Variants in MTHFD1 observed in about 807,000 individuals in gnomAD.
MTHFD1 encodes the protein C-1-tetrahydrofolate synthase, cytoplasmic.
In MTHFD1, 44 loss-of-function variants were observed where a neutral mutation model predicts 110.3. The observed-to-expected ratio is 0.40, with a 90% CI of 0.31 to 0.51. The LOEUF is 0.51. Among genes scored for constraint, MTHFD1 ranks in the 20% least tolerant of loss-of-function variants. The probability of loss-of-function intolerance (pLI) is 0.60; values close to 1 mark genes in which losing one functional copy is unlikely to be tolerated. For missense variants in MTHFD1, 909 were observed against 1,173.1 expected (o/e 0.77, Z 3.29); for synonymous variants, 402 against 428.8 (o/e 0.94, Z 0.77).
chr14:64,449,298 C>A, intron 23 of MTHFD1, 147 bp from the exon 24 acceptor site: 1 of 864,944 alleles, frequency 1.2e-6, no homozygotes, highest in Non-Finnish European at 1.9e-6. Flanking sequence ...TAGTAAGTTT[C>A]GGAGCTGAGA....
At chr14:64,399,691 A>T (rs2077882336) in intron 1 of MTHFD1, among the ~76,000 whole-genome samples, 1 of 150,806 alleles carries the variant, frequency 6.6e-6, no homozygotes, top group South Asian at 2.1e-4. Flanking sequence ...AAAGAAAAAG[A>T]TTCACATCTA....
intron 4 of MTHFD1, 111 bp downstream of exon 4, chr14:64,412,636 T>A (rs2077993662): frequency 2.4e-6 from 1 of 425,354 alleles, no homozygotes; most frequent in Non-Finnish European, 4.2e-6. Flanking sequence ...CTCCAGGTAT[T>A]TTTTTTTTTT....
At chr14:64,434,106 A>G (rs533600395) in intron 15 of MTHFD1, among the ~76,000 whole-genome samples, 2 of 152,300 alleles carry the variant, frequency 1.3e-5, no homozygotes, top group East Asian at 1.9e-4. Flanking sequence ...GCTTAGGGAA[A>G]TCTTCTGGTG....
At chr14:64,458,114 C>T in intron 26 of MTHFD1, 100 bp from the exon 27 acceptor site, 1 of 951,814 alleles carries the variant, frequency 1.1e-6, no homozygotes, top group East Asian at 2.4e-5. Context: ...TGGTTTAGAA[C>T]TCCTGGCCTC....
rs139220969 is a variant in MTHFD1 at position 64,459,204 on chromosome 14, T to G, written c.*5-555T>G. ...CTCTTCCTAAGAAGTTATTTAGCAA[T>G]GTACTTAGCAAAATGAGGAATTAAC... is the stretch of plus-strand genomic sequence containing the variant. On this transcript the variant is annotated intron_variant, in intron 27 of 27. Transcript: ENST00000652337. 2.0e-5 allele frequency among the ~76,000 whole-genome samples: 3 copies of G among 152,240 alleles called. No homozygotes were observed. The East Asian group carries it at 5.8e-4, about 29-fold the overall frequency.
At chr14:64,418,172 T>A in intron 7 of MTHFD1, 148 bp downstream of exon 7, 3 of 1,029,028 alleles carry the variant, frequency 2.9e-6, no homozygotes, top group South Asian at 1.4e-5. Context: ...AAAGGCTGAG[T>A]GGGGTGGCTG....
chr14:64,391,427 A>G (rs2077804013), intron 1 of MTHFD1, among the ~76,000 whole-genome samples: 1 of 152,186 alleles, frequency 6.6e-6, no homozygotes, highest in African/African-American at 2.4e-5. Flanking sequence ...CACCTCCTAA[A>G]GTGCTAGGAT....
chr14:64,428,722 T>C (rs2078136864), intron 12 of MTHFD1, among the ~76,000 whole-genome samples: 1 of 151,658 alleles, frequency 6.6e-6, no homozygotes. Flanking sequence ...CCTGGCTAAT[T>C]TTTGTGTTTT....
chr14:64,431,471 A>G (rs1374671503), intron 13 of MTHFD1, 61 bp from the exon 14 acceptor site: 1 of 1,412,614 alleles, frequency 7.1e-7, no homozygotes, highest in African/African-American at 1.4e-5. Flanking sequence ...TTTGCAATAG[A>G]ATGAAAGTTG....
At position 64,415,734 on chromosome 14, in the gene MTHFD1, A is replaced by T; in HGVS notation, c.473A>T (p.Glu158Val). Residue 158 changes from glutamate (E) to valine (V), a missense_variant, in exon 6 of 28, where the codon GAG becomes GTG. Coordinates refer to ENST00000652337, the MANE Select transcript of MTHFD1 (RefSeq NM_005956.4). The stretch of plus-strand genomic sequence containing the variant: ...AAGGGATGCTTGGAACTCATCAAAG[A>T]GACAGGTAAAAACAACAAACCAAAC... ...TPKGCLELIK[E>V]TGVPIAGRHA... 1 of 1,614,008 alleles carries T rather than the reference A, an allele frequency of 6.2e-7. No homozygotes were observed. The highest frequency in any genetic ancestry group is 8.5e-7 in the Non-Finnish European group (1 of 1,179,910).
intron 17 of MTHFD1, 123 bp downstream of exon 17, chr14:64,439,295 A>C: frequency 1.3e-6 from 1 of 774,466 alleles, no homozygotes; most frequent in East Asian, 2.7e-5. Context: ...TCTCCCTTTT[A>C]AAATGGAAGT....
intron 21 of MTHFD1, among the ~76,000 whole-genome samples, chr14:64,444,206 G>A (rs533436622): frequency 2.0e-5 from 3 of 152,138 alleles, no homozygotes; most frequent in Admixed American, 6.5e-5. Flanking sequence ...TTTCCCTCTT[G>A]TTTGTATTGA....
At chr14:64,441,509 G>C (rs1158906603) in intron 19 of MTHFD1, 56 bp downstream of exon 19, 1 of 1,568,168 alleles carries the variant, frequency 6.4e-7, no homozygotes, top group South Asian at 1.1e-5. Flanking sequence ...AGAGCAGAGT[G>C]GTTATAAAGC....
chr14:64,442,432 C>G, intron 21 of MTHFD1, 30 bp downstream of exon 21: 1 of 1,611,848 alleles, frequency 6.2e-7, no homozygotes, highest in Non-Finnish European at 8.5e-7. Context: ...ATCTGATTAT[C>G]GGCAGTGTGC....
rs768164974 is a variant in MTHFD1 at position 64,431,537 on chromosome 14, T to G, written c.1317T>G (p.Asn439Lys). Reference sequence around the variant, plus strand: ...TGGCTTCTGTTCTTTTGTAGTTTAATCTCCACCTCACAGGTGACATCCATG... The same window carrying G: ...TGGCTTCTGTTCTTTTGTAGTTTAAGCTCCACCTCACAGGTGACATCCATG... The part of the protein sequence containing the change: ...YSQVIPMEEF[N>K]LHLTGDIHAI... Residue 439 changes from asparagine to lysine, a missense_variant, in exon 14 of 28, where the codon AAT (asparagine) becomes AAG (lysine). Around this residue, in one of 3 missense-constraint regions of MTHFD1, gnomAD observed 482 missense variants for 646.0 expected, o/e 0.75. Transcript: ENST00000652337. The G allele has an allele frequency of 1.1e-5, 18 of 1,613,554 alleles. No individual in the cohort carries two copies. The highest frequency in any genetic ancestry group is 1.4e-5 in the Non-Finnish European group (17 of 1,179,570).
chr14:64,419,990 A>C, intron 8 of MTHFD1, 65 bp downstream of exon 8: 1 of 1,128,584 alleles, frequency 8.9e-7, no homozygotes. Flanking sequence ...TCATCAAAAG[A>C]AGCCTGAGAG....
rs1566564455 is a variant in MTHFD1 at position 64,424,948 on chromosome 14, GTT to G, written c.855+19_855+20del. 7 of 1,614,034 alleles carry G rather than the reference GTT, an allele frequency of 4.3e-6. No individual in the cohort carries two copies. Among genetic ancestry groups the G allele is most frequent in the Non-Finnish European group, 5.9e-6 (7 of 1,179,980 alleles). ...CTCATGCAGGTAATTGTGAATAAAA[GTT>G]TCTATAAGAGTTCTGAAAAGCTGAT... On this transcript the variant is annotated intron_variant, in intron 9 of 27. Transcript: ENST00000652337.
chr14:64,403,275 T>C (rs1343811103), intron 2 of MTHFD1, among the ~76,000 whole-genome samples: 1 of 64,576 alleles, frequency 1.5e-5, no homozygotes, highest in East Asian at 2.8e-4. Flanking sequence ...CATTGCACCC[T>C]GCTAATTTTT....
At chr14:64,412,610 C>A in intron 4 of MTHFD1, 85 bp downstream of exon 4, 12 of 910,006 alleles carry the variant, frequency 1.3e-5, no homozygotes, top group Non-Finnish European at 2.2e-5. Context: ...TGGGGACTGA[C>A]ACATTTAGCC....
Sources: allele counts gnomAD v4.1 joint callset (sites outside exome capture counted in the v4.1 genomes callset), GRCh38; gene constraint gnomAD v4.1.1; regional missense constraint gnomAD v4.1.1; transcripts MANE v1.5; gene names NCBI Gene and HGNC (gene_info 2026-07-23, HGNC 2026-07-21).